The following XKR4 variants were observed in gnomAD, a reference collection of about 807,000 sequenced individuals.
XKR4 encodes the protein XK related 4.
XKR4 carries 12 observed loss-of-function variants against 53.9 expected under a neutral mutation model. The ratio of observed to expected loss-of-function variants is 0.22; its 90% CI spans 0.14 to 0.36. The LOEUF is 0.36. XKR4 is among the 10% of genes least tolerant of loss of function. XKR4 has a pLI of 1.00. For missense variants in XKR4, 799 were observed against 859.5 expected (o/e 0.93, Z 0.88); for synonymous variants, 354 against 362.4 (o/e 0.98, Z 0.26).
intron 1 of XKR4, among the ~76,000 whole-genome samples, chr8:55,163,711 G>A (rs910539172): frequency 1.3e-5 from 2 of 152,106 alleles, no homozygotes; most frequent in Non-Finnish European, 2.9e-5. Context: ...CAAGCATGAT[G>A]GCAGGTGCCC....
chr8:55,131,140 CAA>C (rs1585894545), intron 1 of XKR4, among the ~76,000 whole-genome samples: 1 of 133,060 alleles, frequency 7.5e-6, no homozygotes, highest in African/African-American at 2.7e-5. Context: ...GCCTGGGCAA[CAA>C]GAGCGAAATG....
intron 2 of XKR4, among the ~76,000 whole-genome samples, chr8:55,500,311 A>G (rs533016489): frequency 6.6e-6 from 1 of 152,088 alleles, no homozygotes; most frequent in Non-Finnish European, 1.5e-5. Flanking sequence ...CAAGTGTAAG[A>G]TATCTTCACC....
chr8:55,480,218 T>C, intron 2 of XKR4, among the ~76,000 whole-genome samples: 1 of 152,220 alleles, frequency 6.6e-6, no homozygotes, highest in Non-Finnish European at 1.5e-5. Flanking sequence ...CAAGTGGGCT[T>C]CATCCCTGGG....
intron 1 of XKR4, among the ~76,000 whole-genome samples, chr8:55,335,227 C>T (rs866800316): frequency 6.6e-6 from 1 of 152,136 alleles, no homozygotes; most frequent in Non-Finnish European, 1.5e-5. Context: ...AAGCAGAAAT[C>T]TAAATTCACT....
At chr8:55,203,462 G>A (rs1817603055) in intron 1 of XKR4, among the ~76,000 whole-genome samples, 1 of 152,186 alleles carries the variant, frequency 6.6e-6, no homozygotes, top group Non-Finnish European at 1.5e-5. Flanking sequence ...ATTACTGCAG[G>A]GGTGGTTAGA....
At chr8:55,506,213 A>G (rs1353355683) in intron 2 of XKR4, among the ~76,000 whole-genome samples, 1 of 152,252 alleles carries the variant, frequency 6.6e-6, no homozygotes, top group Admixed American at 6.5e-5. Context: ...CTCTCAGTCC[A>G]CAGGGCATCT....
intron 2 of XKR4, chr8:55,453,525 T>G (rs1805495034): frequency 2.6e-6 from 1 of 382,572 alleles, no homozygotes; most frequent in Non-Finnish European, 5.1e-6. Flanking sequence ...TGCAGCCTGC[T>G]GCACCCATCC....
intron 2 of XKR4, among the ~76,000 whole-genome samples, chr8:55,479,773 CT>C: frequency 6.6e-6 from 1 of 152,274 alleles, no homozygotes; most frequent in Non-Finnish European, 1.5e-5. Flanking sequence ...ATAAACACCT[CT>C]ACACAAATAA....
At chr8:55,467,050 G>C (rs78884341) in intron 2 of XKR4, among the ~76,000 whole-genome samples, 1,612 of 152,220 alleles carry the variant, frequency 0.011, 35 homozygotes, top group African/African-American at 0.037. Flanking sequence ...TCACAAGGCT[G>C]CATTCAAGGT....
intron 2 of XKR4, among the ~76,000 whole-genome samples, chr8:55,462,419 A>T (rs1038827308): frequency 3.9e-5 from 6 of 152,208 alleles, no homozygotes; most frequent in Non-Finnish European, 7.4e-5. Context: ...CAGACAAGCA[A>T]ATGCTGAGAG....
At chr8:55,150,595 C>T (rs937697915) in intron 1 of XKR4, among the ~76,000 whole-genome samples, 10 of 152,300 alleles carry the variant, frequency 6.6e-5, no homozygotes, top group Middle Eastern at 3.4e-3. Context: ...TGCACCTGTC[C>T]GTCCTTCTTC....
chr8:55,456,284 A>G (rs555219385), intron 2 of XKR4, among the ~76,000 whole-genome samples: 82 of 152,238 alleles, frequency 5.4e-4, no homozygotes, highest in African/African-American at 1.9e-3. Flanking sequence ...ATACAAAATT[A>G]GCCTGGCTTG....
At chr8:55,337,838 G>A (rs570831806) in intron 1 of XKR4, among the ~76,000 whole-genome samples, 8 of 152,180 alleles carry the variant, frequency 5.3e-5, no homozygotes, top group Non-Finnish European at 1.0e-4. Flanking sequence ...AACAGGATAA[G>A]TAGTTTTCTT....
chr8:55,225,077 TC>T (rs753263305), intron 1 of XKR4, among the ~76,000 whole-genome samples: 46 of 152,218 alleles, frequency 3.0e-4, no homozygotes, highest in Non-Finnish European at 6.5e-4. Flanking sequence ...AAACTTACAT[TC>T]CCTGTGCTTT....
intron 1 of XKR4, among the ~76,000 whole-genome samples, chr8:55,304,120 T>C (rs1047453554): frequency 9.2e-5 from 14 of 152,210 alleles, no homozygotes; most frequent in African/African-American, 3.4e-4. Context: ...TTTCCTGCTT[T>C]CTCTTGTGGG....
At chr8:55,368,662 T>C (rs1260128271) in intron 2 of XKR4, among the ~76,000 whole-genome samples, 2 of 152,222 alleles carry the variant, frequency 1.3e-5, no homozygotes, top group Non-Finnish European at 2.9e-5. Flanking sequence ...CATCCCTATG[T>C]TTTATTATTA....
At chr8:55,242,884 A>G (rs1412734923) in intron 1 of XKR4, among the ~76,000 whole-genome samples, 2 of 152,244 alleles carry the variant, frequency 1.3e-5, no homozygotes, top group Non-Finnish European at 2.9e-5. Flanking sequence ...TCCAAAAATA[A>G]GAAGTGGATC....
At chr8:55,449,769 T>A in intron 2 of XKR4, 1 of 1,155,520 alleles carries the variant, frequency 8.7e-7, no homozygotes, top group Non-Finnish European at 1.3e-6. Flanking sequence ...TTGTCTAACA[T>A]GAACCAGCGG....
intron 2 of XKR4, chr8:55,450,675 T>A (rs1805424394): frequency 3.4e-6 from 2 of 591,686 alleles, no homozygotes; most frequent in African/African-American, 1.9e-5. Flanking sequence ...CGCTGCTCTG[T>A]CCAGCCAGAA....
Sources: allele counts gnomAD v4.1 joint callset (sites outside exome capture counted in the v4.1 genomes callset), GRCh38; gene constraint gnomAD v4.1.1; transcripts MANE v1.5; gene names NCBI Gene and HGNC (gene_info 2026-07-23, HGNC 2026-07-21).